Variants in STX16 observed in about 807,000 individuals in gnomAD.
The protein encoded by STX16 is syntaxin 16.
STX16 carries 28 observed loss-of-function variants against 42.7 expected under a neutral mutation model. The ratio of observed to expected loss-of-function variants is 0.66; its 90% CI spans 0.49 to 0.90. The LOEUF is 0.90. STX16 is among the 40% of genes least tolerant of loss of function. The pLI is 0.00. For synonymous variants in STX16, 156 were observed against 155.2 expected (o/e 1.00, Z -0.04); for missense variants, 361 against 420.9 (o/e 0.86, Z 1.24).
chr20:58,653,751 T>C (rs936138940), intron 1 of STX16, among the ~76,000 whole-genome samples: 2 of 152,190 alleles, frequency 1.3e-5, no homozygotes, highest in African/African-American at 4.8e-5. Context: ...GAAACTCATA[T>C]TAAGATTTCT....
intron 1 of STX16, among the ~76,000 whole-genome samples, chr20:58,659,229 T>C (rs546050327): frequency 1.5e-4 from 23 of 152,346 alleles, no homozygotes; most frequent in African/African-American, 5.5e-4. Context: ...TGCTCTCTTA[T>C]TTTATTTTCC....
chr20:58,672,962 A>G (rs1311124754), intron 7 of STX16, among the ~76,000 whole-genome samples: 1 of 152,206 alleles, frequency 6.6e-6, no homozygotes, highest in East Asian at 1.9e-4. Flanking sequence ...TAATTACTCC[A>G]GTGGTTCCCA....
chr20:58,675,503 C>T (rs2084090420), intron 8 of STX16, among the ~76,000 whole-genome samples: 3 of 152,242 alleles, frequency 2.0e-5, no homozygotes, highest in African/African-American at 7.2e-5. Context: ...TCCTGCCGAG[C>T]TTCCAGGATG....
rs1454534596 is a variant in STX16, at chr20:58,667,467, C to A, written c.145-23C>A. 3.1e-6 allele frequency: 5 copies of A among 1,598,892 alleles called. No homozygotes were observed. In the African/African-American group the frequency reaches 6.7e-5, roughly 21 times the overall value. ...TAAATTGGATTAGAATAATTTTTTT[C>A]ATGTCCCTTTACTTTCCTGTAGCTT... is the stretch of plus-strand genomic sequence containing the variant. On this transcript the variant is annotated intron_variant, in intron 2 of 8. Transcript: ENST00000371141.
chr20:58,652,174 G>A (rs771591802), intron 1 of STX16, 36 bp downstream of exon 1: 3 of 1,611,268 alleles, frequency 1.9e-6, no homozygotes, highest in Non-Finnish European at 2.5e-6. Flanking sequence ...CACACGGACC[G>A]TGTGCACTGC....
chr20:58,667,488 A>G lies in STX16; in HGVS notation c.145-2A>G. The G allele has an allele frequency of 6.2e-7, 1 of 1,613,842 alleles. No homozygotes were observed. The highest frequency in any genetic ancestry group is 1.1e-5 in the South Asian group (1 of 91,038). On this transcript the variant is annotated splice_acceptor_variant, in intron 2 of 8. Transcript: ENST00000371141. LOFTEE classifies it high-confidence loss of function. ...TTTTCATGTCCCTTTACTTTCCTGT[A>G]GCTTGCTGATGACCGTATGGCACTG... is the stretch of plus-strand genomic sequence containing the variant.
intron 5 of STX16, 125 bp downstream of exon 5, chr20:58,669,578 C>A: frequency 2.6e-6 from 3 of 1,169,044 alleles, no homozygotes; most frequent in Non-Finnish European, 3.5e-6. Flanking sequence ...CATGCTCATA[C>A]CTTGTACAGT....
chr20:58,670,149 AGAGAT>A (rs1480206116), intron 5 of STX16, among the ~76,000 whole-genome samples: 1 of 152,244 alleles, frequency 6.6e-6, no homozygotes, highest in Non-Finnish European at 1.5e-5. Flanking sequence ...AATTCATACT[AGAGAT>A]GCTTCTAGAG....
At chr20:58,659,679 A>T in intron 2 of STX16, 45 bp downstream of exon 2, 1 of 1,601,122 alleles carries the variant, frequency 6.2e-7, no homozygotes, top group East Asian at 2.2e-5. Flanking sequence ...ATTTGAGTTT[A>T]TAAAATACCT....
At chr20:58,665,398 T>C (rs2083798213) in intron 2 of STX16, among the ~76,000 whole-genome samples, 1 of 152,184 alleles carries the variant, frequency 6.6e-6, no homozygotes, top group South Asian at 2.1e-4. Context: ...ATTGCAGTTA[T>C]AGTTTATGGG....
intron 8 of STX16, among the ~76,000 whole-genome samples, chr20:58,674,046 T>C (rs1286184407): frequency 6.6e-6 from 1 of 152,230 alleles, no homozygotes; most frequent in East Asian, 1.9e-4. Flanking sequence ...GGAAATCAAT[T>C]GGGCATTTGC....
chr20:58,651,703 T>C lies in STX16; in HGVS notation c.-304T>C, dbSNP rs1187561042. ...AGACGCTTGTAGATCCAAGGTTGGA[T>C]TGGGGTGGGGTCTCTGGGACGTTGG... On this transcript the variant is annotated 5_prime_UTR_variant, in exon 1 of 9. Transcript: ENST00000371141. The C allele has an allele frequency of 3.5e-6, 1 of 288,826 alleles. No homozygotes were observed. Among genetic ancestry groups the C allele is most frequent in the African/African-American group, 2.2e-5 (1 of 45,684 alleles). 17.9% of individuals were successfully genotyped at this position (288,826 alleles called of 1,614,324 possible).
At chr20:58,656,289 T>C (rs1425632434) in intron 1 of STX16, among the ~76,000 whole-genome samples, 2 of 152,234 alleles carry the variant, frequency 1.3e-5, no homozygotes, top group Non-Finnish European at 2.9e-5. Flanking sequence ...AACAGTGTTG[T>C]AGCTGTCAGT....
At chr20:58,659,323 A>C (rs1037292435) in intron 1 of STX16, among the ~76,000 whole-genome samples, 5 of 152,188 alleles carry the variant, frequency 3.3e-5, no homozygotes, top group African/African-American at 1.2e-4. Flanking sequence ...AAACCAAAGC[A>C]AGTGTGTTTT....
At chr20:58,669,049 C>CT (rs1245663780) in intron 4 of STX16, among the ~76,000 whole-genome samples, 5 of 152,216 alleles carry the variant, frequency 3.3e-5, no homozygotes, top group Non-Finnish European at 7.3e-5. Flanking sequence ...CTCAGCCTGT[C>CT]TAACGTGATG....
intron 7 of STX16, among the ~76,000 whole-genome samples, chr20:58,671,971 G>A (rs905942386): frequency 1.3e-5 from 2 of 151,926 alleles, no homozygotes; most frequent in African/African-American, 2.4e-5. Flanking sequence ...TGCCACAGGT[G>A]GAAAATCCCT....
At chr20:58,671,381 A>G in intron 7 of STX16, 84 bp downstream of exon 7, 2 of 1,449,788 alleles carry the variant, frequency 1.4e-6, no homozygotes, top group South Asian at 1.4e-5. Context: ...TTCAGGGAAA[A>G]AAATTGGAGC....
chr20:58,664,617 T>C (rs1266989040), intron 2 of STX16, among the ~76,000 whole-genome samples: 1 of 152,194 alleles, frequency 6.6e-6, no homozygotes, highest in Admixed American at 6.5e-5. Context: ...GATTTACATC[T>C]AATTTGAGGG....
rs539972771 is a variant in STX16, at chr20:58,657,658, C to T, written c.133-1965C>T. Reference sequence around the variant, plus strand: ...TTTAGAAGGTGATGATGTGTAGTAACGTGTTTTCATTTGGCTTTATTTTGG... The same window carrying T: ...TTTAGAAGGTGATGATGTGTAGTAATGTGTTTTCATTTGGCTTTATTTTGG... On this transcript the variant is annotated intron_variant, in intron 1 of 8. Transcript: ENST00000371141. This position sits in a 1 kb window ranked among gnomAD's most constrained non-coding sequence, Gnocchi z 4.2. Among the ~76,000 whole-genome samples the T allele has an allele frequency of 4.6e-5, 7 of 152,216 alleles. No homozygotes were observed. Among genetic ancestry groups the T allele is most frequent in the African/African-American group, 1.4e-4 (6 of 41,526 alleles).
Sources: allele counts gnomAD v4.1 joint callset (sites outside exome capture counted in the v4.1 genomes callset), GRCh38; gene constraint gnomAD v4.1.1; non-coding constraint Gnocchi (gnomAD v3.1); transcripts MANE v1.5; gene names NCBI Gene and HGNC (gene_info 2026-07-23, HGNC 2026-07-21).